Variants in CNBD1 observed in about 807,000 individuals in gnomAD.
CNBD1 encodes the protein cyclic nucleotide-binding domain-containing protein 1.
CNBD1 carries 71 observed loss-of-function variants against 54.4 expected under a neutral mutation model. The observed-to-expected ratio is 1.30, with a 90% confidence interval of 1.08 to 1.59. CNBD1 has a LOEUF of 1.59. Among genes scored for constraint, CNBD1 ranks in the 40% most tolerant of loss-of-function variants. CNBD1 has a pLI of 0.00. For synonymous variants in CNBD1, 182 were observed against 170.7 expected, an observed-to-expected ratio of 1.07 and a Z score of -0.51; for missense variants, 659 against 518.0, an observed-to-expected ratio of 1.27 and a Z score of -2.64.
chr8:86,893,757 G>A (rs1270002345), intron 2 of CNBD1, among the ~76,000 whole-genome samples: 1 of 152,114 alleles, frequency 6.6e-6, no homozygotes, highest in Admixed American at 6.6e-5. Flanking sequence ...TGGAATGCCT[G>A]CATTTACCCA....
intron 6 of CNBD1, among the ~76,000 whole-genome samples, chr8:87,241,410 A>C (rs1586357054): frequency 6.6e-6 from 1 of 151,416 alleles, no homozygotes; most frequent in East Asian, 2.0e-4. Flanking sequence ...AGCTGGGACT[A>C]CAGGGGCCTG....
At chr8:87,073,742 G>A (rs920073906) in intron 4 of CNBD1, among the ~76,000 whole-genome samples, 4 of 152,138 alleles carry the variant, frequency 2.6e-5, no homozygotes, top group African/African-American at 9.7e-5. Context: ...CCTGTAGGAG[G>A]TGTCTGGAGG....
At chr8:87,389,971 A>G (rs1353717802) in intron 2 of CNBD1, among the ~76,000 whole-genome samples, 1 of 151,294 alleles carries the variant, frequency 6.6e-6, no homozygotes, top group Non-Finnish European at 1.5e-5. Context: ...GATCTTTGAC[A>G]AACCTGAGAA....
rs550866314 is a variant in CNBD1, at chr8:87,349,273, T to C, written c.1043-2412T>C. On this transcript the variant is annotated intron_variant, in intron 8 of 10. Transcript: ENST00000518476. ...ATGGAAAACATGATCAGAGGCTGAATGAGTAAAATTAGGAACAACAATCAG... is the reference window on the plus strand; with the variant it reads ...ATGGAAAACATGATCAGAGGCTGAACGAGTAAAATTAGGAACAACAATCAG... 1.7e-3 allele frequency among the ~76,000 whole-genome samples: 255 copies of C among 152,292 alleles called. 1 individual carries two copies. Among genetic ancestry groups the C allele is most frequent in the African/African-American group, 5.8e-3 (241 of 41,562 alleles).
chr8:86,900,552 G>T (rs918491394), intron 2 of CNBD1, among the ~76,000 whole-genome samples: 3 of 151,950 alleles, frequency 2.0e-5, no homozygotes, highest in Admixed American at 6.6e-5. Flanking sequence ...TTCTGTACCT[G>T]GATTTACATT....
At chr8:87,266,370 CT>C (rs1808258241) in intron 6 of CNBD1, among the ~76,000 whole-genome samples, 1 of 136,688 alleles carries the variant, frequency 7.3e-6, no homozygotes, top group South Asian at 2.3e-4. Context: ...GCACTAGCGA[CT>C]GATAGGTAAG....
chr8:87,364,116 A>G (rs1417284530), intron 10 of CNBD1, among the ~76,000 whole-genome samples: 1 of 151,792 alleles, frequency 6.6e-6, no homozygotes, highest in East Asian at 1.9e-4. Context: ...TGTTTTGTTA[A>G]TGAGAAAACT....
chr8:87,019,541 T>C (rs1290078014), intron 4 of CNBD1, among the ~76,000 whole-genome samples: 5 of 152,142 alleles, frequency 3.3e-5, no homozygotes, highest in Non-Finnish European at 5.9e-5. Context: ...ATTTATACCC[T>C]CCTCAGGATG....
chr8:87,141,451 A>G (rs1417844132), intron 4 of CNBD1, among the ~76,000 whole-genome samples: 2 of 152,142 alleles, frequency 1.3e-5, no homozygotes, highest in Non-Finnish European at 2.9e-5. Flanking sequence ...GCAGACCTAT[A>G]TTCTAAATTA....
chr8:87,272,676 A>AT (rs1251318318), intron 6 of CNBD1, among the ~76,000 whole-genome samples: 2 of 152,006 alleles, frequency 1.3e-5, no homozygotes, highest in Non-Finnish European at 2.9e-5. Flanking sequence ...GATAAAGCAT[A>AT]TAACAAATGA....
chr8:87,064,584 C>T (rs1810611788), intron 4 of CNBD1, among the ~76,000 whole-genome samples: 1 of 151,228 alleles, frequency 6.6e-6, no homozygotes, highest in Admixed American at 6.6e-5. Flanking sequence ...TTTTTTTGAC[C>T]TTTGTTTCTA....
chr8:86,878,051 C>A (rs1808550166), intron 1 of CNBD1, among the ~76,000 whole-genome samples: 1 of 137,202 alleles, frequency 7.3e-6, no homozygotes. Context: ...TGGTTAATGC[C>A]ATGTAATTTT....
At chr8:86,981,109 T>C (rs1276002196) in intron 4 of CNBD1, among the ~76,000 whole-genome samples, 1 of 152,226 alleles carries the variant, frequency 6.6e-6, no homozygotes, top group Non-Finnish European at 1.5e-5. Context: ...GTAGAGAATA[T>C]AATTTGGATA....
rs1400574376 is a variant in CNBD1, at chr8:87,166,230, A to G, written c.432-39763A>G. ...AACCTAAGCATCATACTTGATGCTC[A>G]TACATTCTGTCCCTTTTACACCACT... is the stretch of plus-strand genomic sequence containing the variant. On this transcript the variant is annotated intron_variant, in intron 4 of 10. Transcript: ENST00000518476. The surrounding 1 kb of genome is among the most constrained non-coding windows in gnomAD (Gnocchi z 4.3). Among the ~76,000 whole-genome samples, 2 of 151,924 alleles carry G rather than the reference A, an allele frequency of 1.3e-5. No homozygotes were observed. The highest frequency in any genetic ancestry group is 2.4e-5 in the African/African-American group (1 of 41,408).
In CNBD1 at chr8:87,056,158, A is replaced by G. The variant is rs186728047; in HGVS notation, c.431+116404A>G. Among the ~76,000 whole-genome samples, 333 of 152,276 alleles carry G rather than the reference A, an allele frequency of 2.2e-3. 1 individual carries two copies. Among genetic ancestry groups the G allele is most frequent in the African/African-American group, 7.8e-3 (322 of 41,542 alleles). On this transcript the variant is annotated intron_variant, in intron 4 of 10. Coordinates refer to ENST00000518476, the MANE Select transcript of CNBD1 (RefSeq NM_173538.3). ...AATATGTCATAGAATAGGTAGATGTAACAGAAGCATTGTTAGCCTATACAG... is the reference window on the plus strand; with the variant it reads ...AATATGTCATAGAATAGGTAGATGTGACAGAAGCATTGTTAGCCTATACAG...
rs573027795 is a variant in CNBD1 at position 87,195,076 on chromosome 8, G to C, written c.432-10917G>C. On this transcript the variant is annotated intron_variant, in intron 4 of 10. Transcript: ENST00000518476. ...TTTTTTATATTTTTAGTAGAGACAG[G>C]GTTTCACCACGTTGGCTGGGCTGGT... 2.6e-5 allele frequency among the ~76,000 whole-genome samples: 4 copies of C among 151,900 alleles called. No homozygotes were observed. In the East Asian group the frequency reaches 7.8e-4, roughly 30 times the overall value.
chr8:87,186,547 G>A (rs985633389), intron 4 of CNBD1, among the ~76,000 whole-genome samples: 3 of 151,990 alleles, frequency 2.0e-5, no homozygotes, highest in Non-Finnish European at 4.4e-5. Context: ...ATAAATGAGA[G>A]AATTCTTCTA....
At chr8:87,089,368 G>T (rs571228252) in intron 4 of CNBD1, among the ~76,000 whole-genome samples, 1 of 152,040 alleles carries the variant, frequency 6.6e-6, no homozygotes, top group South Asian at 2.1e-4. Flanking sequence ...AGTTTAGAAA[G>T]GCATAGAAAA....
At chr8:86,901,041 AT>A (rs1808924717) in intron 2 of CNBD1, among the ~76,000 whole-genome samples, 1 of 152,164 alleles carries the variant, frequency 6.6e-6, no homozygotes. Context: ...TTTCCAAAAA[AT>A]TTTTAAATAA....
Sources: allele counts gnomAD v4.1 joint callset (sites outside exome capture counted in the v4.1 genomes callset), GRCh38; gene constraint gnomAD v4.1.1; non-coding constraint Gnocchi (gnomAD v3.1); transcripts MANE v1.5; gene names NCBI Gene and HGNC (gene_info 2026-07-23, HGNC 2026-07-21).